Variants in ERCC6 observed in about 807,000 individuals in gnomAD.
The protein encoded by ERCC6 is ERCC excision repair 6, chromatin remodeling factor.
Under a neutral mutation model 158.7 loss-of-function variants are expected in ERCC6, and 116 were observed. The observed-to-expected ratio is 0.73, with a 90% confidence interval of 0.63 to 0.85. ERCC6 has a LOEUF of 0.85. Among genes scored for constraint, ERCC6 ranks in the 40% least tolerant of loss-of-function variants. ERCC6 has a pLI of 0.00. For missense variants in ERCC6, 1,698 were observed against 1,799.4 expected (o/e 0.94, Z 1.02); for synonymous variants, 678 against 659.3 (o/e 1.03, Z -0.43).
At chr10:49,487,271 T>C (rs1851093061) in intron 8 of ERCC6, among the ~76,000 whole-genome samples, 2 of 152,190 alleles carry the variant, frequency 1.3e-5, no homozygotes, top group African/African-American at 4.8e-5. Context: ...ATAACCACAA[T>C]GCCTGGACCT....
chr10:49,493,453 C>T (rs560161948), intron 7 of ERCC6, among the ~76,000 whole-genome samples: 4 of 152,204 alleles, frequency 2.6e-5, no homozygotes, highest in African/African-American at 9.6e-5. Context: ...TCTCATTCAT[C>T]AATTAGTGGA....
the ERCC6 span, among the ~76,000 whole-genome samples, chr10:49,435,824 C>G: frequency 4.0e-5 from 6 of 151,774 alleles, no homozygotes; most frequent in Non-Finnish European, 8.8e-5. Context: ...CATGGTGAAA[C>G]CTCGTCTCTA....
At chr10:49,469,100 T>C (rs1371288448) in intron 18 of ERCC6, among the ~76,000 whole-genome samples, 2 of 152,254 alleles carry the variant, frequency 1.3e-5, no homozygotes, top group African/African-American at 2.4e-5. Context: ...ACCATTGTAG[T>C]AATAACTGAC....
intron 13 of ERCC6, 25 bp downstream of exon 13, chr10:49,474,002 T>A (rs1015112562): frequency 6.2e-7 from 1 of 1,604,758 alleles, no homozygotes; most frequent in African/African-American, 1.3e-5. Context: ...CCAGCCTGTT[T>A]CCCGTCTGAA....
chr10:49,450,282 T>G (rs113263478), downstream of ERCC6, among the ~76,000 whole-genome samples: 5 of 152,242 alleles, frequency 3.3e-5, no homozygotes, highest in African/African-American at 1.2e-4. Context: ...CTGAATGGAC[T>G]TGGCACCTTT....
At chr10:49,528,647 A>C in intron 3 of ERCC6, 122 bp from the exon 4 acceptor site, 1 of 1,276,294 alleles carries the variant, frequency 7.8e-7, no homozygotes, top group East Asian at 2.6e-5. Flanking sequence ...TATACATTAC[A>C]TAAAAATTCC....
At chr10:49,468,741 G>A (rs952439267) in intron 18 of ERCC6, among the ~76,000 whole-genome samples, 7 of 152,112 alleles carry the variant, frequency 4.6e-5, no homozygotes, top group Admixed American at 3.3e-4. Context: ...CTGAGAACCC[G>A]GATCCTAGTT....
the ERCC6 span, among the ~76,000 whole-genome samples, chr10:49,444,956 A>G: frequency 6.6e-6 from 1 of 152,334 alleles, no homozygotes; most frequent in African/African-American, 2.4e-5. Context: ...GAAATATATC[A>G]TGACCAAATA....
intron 3 of ERCC6, among the ~76,000 whole-genome samples, chr10:49,529,435 T>C (rs1008526864): frequency 6.6e-6 from 1 of 152,196 alleles, no homozygotes; most frequent in African/African-American, 2.4e-5. Flanking sequence ...TTTGATGCTC[T>C]ACACCCTTGA....
chr10:49,482,839 G>A lies in ERCC6; in HGVS notation c.2017C>T (p.Leu673=). The change falls in exon 10 of 21, where the codon CTG becomes TTG. Residue 673 remains leucine, a synonymous_variant. Coordinates refer to ENST00000355832, the MANE Select transcript of ERCC6 (RefSeq NM_000124.4). ...KQFRTPHRII[L]SGSPMQNNLR... ...TTATTTTGCATCGGTGAGCCAGACA[G>A]AATGATCCGATGAGGGGTGCGAAAC... The A allele has an allele frequency of 6.2e-7, 1 of 1,614,086 alleles. No homozygotes were observed. The highest frequency in any genetic ancestry group is 8.5e-7 in the Non-Finnish European group (1 of 1,179,994).
downstream of ERCC6, among the ~76,000 whole-genome samples, chr10:49,451,379 C>T: frequency 6.6e-6 from 1 of 152,178 alleles, no homozygotes; most frequent in South Asian, 2.1e-4. Flanking sequence ...GGAAAGCATT[C>T]AGTTTTTCAC....
intron 4 of ERCC6, 54 bp from the exon 5 acceptor site, chr10:49,524,831 C>T: frequency 4.4e-6 from 7 of 1,594,608 alleles, no homozygotes; most frequent in Non-Finnish European, 5.9e-6. Context: ...TCCGAGGGTA[C>T]AAAAGAAATG....
intron 1 of ERCC6, among the ~76,000 whole-genome samples, chr10:49,536,283 A>G (rs567441070): frequency 1.3e-5 from 2 of 152,272 alleles, no homozygotes; most frequent in African/African-American, 4.8e-5. Flanking sequence ...GTGATAAAGT[A>G]ATAATGGATT....
downstream of ERCC6, among the ~76,000 whole-genome samples, chr10:49,451,062 C>T (rs1356492013): frequency 2.6e-5 from 4 of 152,066 alleles, no homozygotes; most frequent in Non-Finnish European, 4.4e-5. Context: ...CCACCTGCCT[C>T]GGCCTCCCAA....
At chr10:49,477,502 G>T (rs550132975) in intron 11 of ERCC6, among the ~76,000 whole-genome samples, 1 of 152,114 alleles carries the variant, frequency 6.6e-6, no homozygotes, top group African/African-American at 2.4e-5. Flanking sequence ...CAAGCCTCAC[G>T]GGCACCTCTG....
At chr10:49,502,462 A>G (rs899403904) in intron 6 of ERCC6, 2 of 152,232 alleles carry the variant, frequency 1.3e-5, no homozygotes, top group African/African-American at 4.8e-5. Context: ...TAAGGAACCA[A>G]CTGCTGAGGA....
intron 18 of ERCC6, among the ~76,000 whole-genome samples, chr10:49,467,418 G>A (rs777889402): frequency 6.6e-6 from 1 of 152,094 alleles, no homozygotes; most frequent in Non-Finnish European, 1.5e-5. Context: ...CCATTCTAGA[G>A]GGTGTATAGT....
In ERCC6 at chr10:49,539,081, A is replaced by G. The variant is rs1303913533; in HGVS notation, c.-134T>C. On this transcript the variant is annotated 5_prime_UTR_variant, in exon 1 of 21. Coordinates refer to ENST00000355832, the MANE Select transcript of ERCC6 (RefSeq NM_000124.4). ...AGCTCAACCATAGACACCGCCCCCA[A>G]CAGCGACTCCGACTTCTGCTGGTGC... 3 of 151,760 alleles carry G rather than the reference A, an allele frequency of 2.0e-5. No individual in the cohort carries two copies. The highest frequency in any genetic ancestry group is 4.8e-5 in the African/African-American group (2 of 41,332). 9.4% of individuals were successfully genotyped at this position (151,760 alleles called of 1,614,324 possible).
In ERCC6 at chr10:49,524,174, A is replaced by T. The variant is rs2132620441; in HGVS notation, c.1256T>A (p.Val419Glu). The change falls in exon 5 of 21, where the codon GTG becomes GAG. Residue 419 changes from valine to glutamate, a missense_variant. Physicochemically the swap from Val to Glu is moderately radical, Grantham distance 121 (BLOSUM62 -2). Transcript: ENST00000355832. ...GAAAAAGTCATCATCAATCTCCTGC[A>T]CTGGCACTTTCTTCTGCCGTTTCCC... Reference protein sequence around the residue: ...KGGKRQKKVPVQEIDDDFFPS... With the variant: ...KGGKRQKKVPEQEIDDDFFPS... The T allele has an allele frequency of 6.2e-7, 1 of 1,614,132 alleles. No homozygotes were observed. The highest frequency in any genetic ancestry group is 8.5e-7 in the Non-Finnish European group (1 of 1,180,034).
Sources: gnomAD v4.1 joint callset for allele counts (sites outside exome capture counted in the v4.1 genomes callset) on GRCh38, gnomAD v4.1.1 for gene constraint, MANE v1.5 for transcripts, NCBI Gene and HGNC (gene_info 2026-07-23, HGNC 2026-07-21) for gene names.